The following NRXN3 variants were observed in gnomAD, a reference collection of about 807,000 sequenced individuals.
The protein encoded by NRXN3 is neurexin 3.
NRXN3 carries 32 observed loss-of-function variants against 137.6 expected under a neutral mutation model. The ratio of observed to expected loss-of-function variants is 0.23; its 90% CI spans 0.18 to 0.31. The LOEUF (loss-of-function observed/expected upper bound fraction) is 0.31. NRXN3 is among the 10% of genes least tolerant of loss of function. The probability of loss-of-function intolerance (pLI) is 1.00; values close to 1 mark genes in which losing one functional copy is unlikely to be tolerated. For missense variants in NRXN3, 1,574 were observed against 2,062.5 expected (o/e 0.76, Z 4.59); for synonymous variants, 798 against 784.5 (o/e 1.02, Z -0.29).
rs116254839 is a variant in NRXN3, at chr14:79,850,343, T to C, written c.4094-10999T>C. ...AAGTAACTCACTGGGGCCTTCCTCT[T>C]GGGCCTCACCTCTATACACTGAAGA... is the stretch of plus-strand genomic sequence containing the variant. On this transcript the variant is annotated intron_variant, in intron 20 of 20. Transcript: ENST00000335750. Among the ~76,000 whole-genome samples, 477 of 152,240 alleles carry C rather than the reference T, an allele frequency of 3.1e-3. 1 individual carries two copies. The highest frequency in any genetic ancestry group is 0.011 in the African/African-American group (444 of 41,538).
chr14:79,522,074 C>T (rs1207806689), intron 16 of NRXN3, among the ~76,000 whole-genome samples: 7 of 151,956 alleles, frequency 4.6e-5, no homozygotes, highest in African/African-American at 2.4e-5. Flanking sequence ...AATGGATGAT[C>T]GTCACAGAAA....
At chr14:79,102,593 G>A (rs189110595) in intron 15 of NRXN3, among the ~76,000 whole-genome samples, 2 of 152,168 alleles carry the variant, frequency 1.3e-5, no homozygotes, top group African/African-American at 2.4e-5. Context: ...AATCCAGAGC[G>A]ACATATAGAG....
chr14:78,458,705 G>A (rs1598932399), intron 4 of NRXN3, among the ~76,000 whole-genome samples: 1 of 152,206 alleles, frequency 6.6e-6, no homozygotes, highest in East Asian at 1.9e-4. Context: ...TTTAATCCAT[G>A]AGAACTGTAG....
chr14:78,539,797 G>A (rs1566686125), intron 4 of NRXN3, among the ~76,000 whole-genome samples: 1 of 152,136 alleles, frequency 6.6e-6, no homozygotes, highest in Non-Finnish European at 1.5e-5. Flanking sequence ...AGAGATTCTG[G>A]TATGTTGTGT....
chr14:79,779,896 G>A (rs965337596), intron 19 of NRXN3, among the ~76,000 whole-genome samples: 1 of 152,026 alleles, frequency 6.6e-6, no homozygotes, highest in Non-Finnish European at 1.5e-5. Context: ...ACAGAGTCTT[G>A]CTCTGTTGTC....
chr14:79,833,630 T>A (rs1683737318), intron 20 of NRXN3, among the ~76,000 whole-genome samples: 1 of 25,850 alleles, frequency 3.9e-5, no homozygotes, highest in South Asian at 1.8e-3. Context: ...TGTTGAGAAA[T>A]CACCTTAAAA....
intron 16 of NRXN3, among the ~76,000 whole-genome samples, chr14:79,535,784 G>A (rs915799337): frequency 6.6e-6 from 1 of 152,128 alleles, no homozygotes; most frequent in African/African-American, 2.4e-5. Context: ...CCCTAGGTTT[G>A]TCTGACTAGG....
At chr14:78,221,684 G>A (rs2063869299) in intron 1 of NRXN3, among the ~76,000 whole-genome samples, 2 of 152,298 alleles carry the variant, frequency 1.3e-5, no homozygotes, top group South Asian at 2.1e-4. Flanking sequence ...CCTGCAGTTT[G>A]GATGGGGTTT....
chr14:79,059,721 C>T (rs1419521769), intron 15 of NRXN3, among the ~76,000 whole-genome samples: 2 of 152,160 alleles, frequency 1.3e-5, no homozygotes, highest in East Asian at 3.9e-4. Context: ...GATAACCATC[C>T]TTTTGTTTCA....
At chr14:78,969,843 GTGTGTGTGTGTGTA>G (rs925060336) in intron 14 of NRXN3, among the ~76,000 whole-genome samples, 9 of 142,712 alleles carry the variant, frequency 6.3e-5, no homozygotes, top group African/African-American at 1.7e-4. Flanking sequence ...GTGTGTGTGT[GTGTGTGTGTGTGTA>G]TAAAGGGACA....
intron 15 of NRXN3, among the ~76,000 whole-genome samples, chr14:79,175,654 T>A (rs552969595): frequency 6.6e-6 from 1 of 152,352 alleles, no homozygotes; most frequent in East Asian, 1.9e-4. Context: ...ACTGCCGAAT[T>A]ACACGTTCAC....
At chr14:79,065,155 G>C (rs747946735) in intron 15 of NRXN3, among the ~76,000 whole-genome samples, 2 of 151,858 alleles carry the variant, frequency 1.3e-5, no homozygotes, top group East Asian at 3.9e-4. Context: ...ACATAGTACA[G>C]TGTACTATGT....
At chr14:79,594,832 T>C (rs1001072486) in intron 16 of NRXN3, among the ~76,000 whole-genome samples, 2 of 152,148 alleles carry the variant, frequency 1.3e-5, no homozygotes, top group Non-Finnish European at 2.9e-5. Flanking sequence ...CTAAGTACCT[T>C]GGTGCTTCTT....
At chr14:78,806,062 T>C (rs68026820) in intron 9 of NRXN3, among the ~76,000 whole-genome samples, 5,557 of 137,970 alleles carry the variant, frequency 0.04, 145 homozygotes, top group Middle Eastern at 0.076. Flanking sequence ...TTTTTTTTTT[T>C]CCCCTTTGGC....
intron 10 of NRXN3, among the ~76,000 whole-genome samples, chr14:78,857,530 G>A (rs1274183034): frequency 6.6e-6 from 1 of 152,004 alleles, no homozygotes; most frequent in Non-Finnish European, 1.5e-5. Flanking sequence ...AAGTCATCCA[G>A]TGTGTGTGTG....
intron 15 of NRXN3, among the ~76,000 whole-genome samples, chr14:79,432,909 A>T (rs181975431): frequency 6.6e-6 from 1 of 152,322 alleles, no homozygotes; most frequent in African/African-American, 2.4e-5. Context: ...CAGTAAATGT[A>T]TGGACTGAGG....
At chr14:78,263,846 G>A (rs914768953) in intron 2 of NRXN3, among the ~76,000 whole-genome samples, 11 of 149,984 alleles carry the variant, frequency 7.3e-5, no homozygotes, top group African/African-American at 2.2e-4. Context: ...TTCACCATGC[G>A]CATTTTTAGC....
intron 16 of NRXN3, among the ~76,000 whole-genome samples, chr14:79,606,174 G>A (rs1022041155): frequency 1.3e-5 from 2 of 152,096 alleles, no homozygotes; most frequent in African/African-American, 2.4e-5. Context: ...ATGTGCAGCC[G>A]GTCCACCTCT....
intron 8 of NRXN3, among the ~76,000 whole-genome samples, chr14:78,715,361 T>C (rs2098426462): frequency 6.6e-6 from 1 of 152,228 alleles, no homozygotes; most frequent in Non-Finnish European, 1.5e-5. Flanking sequence ...TAAATATTAC[T>C]GTGATTATGA....
Sources: allele counts gnomAD v4.1 joint callset (sites outside exome capture counted in the v4.1 genomes callset), GRCh38; gene constraint gnomAD v4.1.1; transcripts MANE v1.5; gene names NCBI Gene and HGNC (gene_info 2026-07-23, HGNC 2026-07-21).